EIF4G3: variants seen among roughly 807,000 people sequenced by gnomAD.
EIF4G3 encodes the protein eukaryotic translation initiation factor 4 gamma 3.
Under a neutral mutation model 186.4 loss-of-function variants are expected in EIF4G3, and 34 were observed. The ratio of observed to expected loss-of-function variants is 0.18; its 90% CI spans 0.14 to 0.24. EIF4G3 has a LOEUF of 0.24. Ranked by LOEUF, EIF4G3 falls within the 10% of genes least tolerant of loss-of-function variation. The probability of loss-of-function intolerance (pLI) is 1.00; values close to 1 mark genes in which losing one functional copy is unlikely to be tolerated. For synonymous variants in EIF4G3, 673 were observed against 679.5 expected (o/e 0.99, Z 0.15); for missense variants, 1,536 against 1,948.5 (o/e 0.79, Z 3.99).
intron 14 of EIF4G3, among the ~76,000 whole-genome samples, chr1:20,920,694 G>T (rs1438303117): frequency 6.6e-6 from 1 of 152,100 alleles, no homozygotes; most frequent in African/African-American, 2.4e-5. Flanking sequence ...GATTCTCACT[G>T]TACTCTGTTT....
chr1:21,059,042 A>G (rs1444856834), intron 3 of EIF4G3, among the ~76,000 whole-genome samples: 1 of 152,056 alleles, frequency 6.6e-6, no homozygotes, highest in Non-Finnish European at 1.5e-5. Flanking sequence ...GTAATTAATC[A>G]GTTACTAAAA....
intron 19 of EIF4G3, among the ~76,000 whole-genome samples, chr1:20,885,201 C>T (rs2083719674): frequency 6.6e-6 from 1 of 152,170 alleles, no homozygotes; most frequent in Non-Finnish European, 1.5e-5. Context: ...GGATCCCCTG[C>T]TCTCTGAGGT....
rs79346428 is a variant in EIF4G3, at chr1:20,866,994, G to A, written c.2623-1732C>T. The stretch of plus-strand genomic sequence containing the variant: ...TTACAGATTTACTGTGTAGAAAAGA[G>A]AGAAATGAGGACAACAAACAATATG... On this transcript the variant is annotated intron_variant, in intron 20 of 36. Transcript: ENST00000602326. Among the ~76,000 whole-genome samples, 781 of 152,292 alleles carry A rather than the reference G, an allele frequency of 5.1e-3. 9 individuals carry two copies. Among genetic ancestry groups the A allele is most frequent in the African/African-American group, 0.018 (757 of 41,578 alleles).
intron 24 of EIF4G3, 84 bp from the exon 25 acceptor site, chr1:20,857,581 C>A: frequency 8.9e-7 from 1 of 1,118,288 alleles, no homozygotes; most frequent in Non-Finnish European, 1.4e-6. Context: ...TCATCAAAAC[C>A]AAGGAGAAAG....
chr1:21,035,679 G>T (rs2093136671), intron 4 of EIF4G3, among the ~76,000 whole-genome samples: 1 of 152,388 alleles, frequency 6.6e-6, no homozygotes, highest in African/African-American at 2.4e-5. Context: ...CAGGGGGGCA[G>T]TTCAGCGATA....
At chr1:21,068,390 A>AC (rs1557804604) in intron 3 of EIF4G3, among the ~76,000 whole-genome samples, 5 of 150,226 alleles carry the variant, frequency 3.3e-5, no homozygotes, top group Admixed American at 6.6e-5. Context: ...AAAAAAAAAA[A>AC]AAAAAAAAAA....
In EIF4G3 at chr1:21,028,245, AAAAT is replaced by A. The variant is rs1431855409; in HGVS notation, c.-67+22617_-67+22620del. 4.6e-5 allele frequency among the ~76,000 whole-genome samples: 7 copies of A among 152,260 alleles called. 1 individual carries two copies. Among genetic ancestry groups the A allele is most frequent in the African/African-American group, 1.7e-4 (7 of 41,464 alleles). On this transcript the variant is annotated intron_variant, in intron 4 of 36. Transcript: ENST00000602326. ...CACTGCATATTATCAATGTATACTT[AAAAT>A]GTACACTTAAAAATGGGGTTAAGAT...
intron 10 of EIF4G3, among the ~76,000 whole-genome samples, chr1:20,975,850 T>G (rs2076752952): frequency 6.6e-6 from 1 of 151,980 alleles, no homozygotes; most frequent in Non-Finnish European, 1.5e-5. Context: ...CTATTTATTT[T>G]TTTAAATAAA....
intron 2 of EIF4G3, among the ~76,000 whole-genome samples, chr1:21,115,594 A>G (rs936404662): frequency 1.3e-5 from 2 of 152,222 alleles, no homozygotes; most frequent in African/African-American, 2.4e-5. Context: ...ATGTGTCTGT[A>G]TAAGATTGTT....
At chr1:20,897,722 G>C (rs529698921) in intron 16 of EIF4G3, among the ~76,000 whole-genome samples, 1 of 151,988 alleles carries the variant, frequency 6.6e-6, no homozygotes, top group African/African-American at 2.4e-5. Flanking sequence ...TTAAAAAGTA[G>C]ACAGCTTATT....
chr1:21,151,314 C>T (rs1573397941), intron 2 of EIF4G3, among the ~76,000 whole-genome samples: 2 of 131,078 alleles, frequency 1.5e-5, no homozygotes, highest in South Asian at 5.3e-4. Flanking sequence ...TCTCGGCTCA[C>T]TGCAAGCTCT....
rs751015403 is a variant in EIF4G3 at position 20,829,143 on chromosome 1, T to C, written c.4187+4A>G. On this transcript the variant is annotated splice_donor_region_variant and intron_variant, in intron 31 of 36. Coordinates refer to ENST00000602326, the MANE Select transcript of EIF4G3 (RefSeq NM_001391906.1). Reference sequence around the variant, plus strand: ...ATATATCAAGAGAAACAAGTATAACTTACATGGTAAGTTCTCTCATGGAGA... The same window carrying C: ...ATATATCAAGAGAAACAAGTATAACCTACATGGTAAGTTCTCTCATGGAGA... 11 of 1,613,298 alleles carry C rather than the reference T, an allele frequency of 6.8e-6. No individual in the cohort carries two copies. The highest frequency in any genetic ancestry group is 9.3e-6 in the Non-Finnish European group (11 of 1,179,720).
At chr1:21,158,894 A>G (rs2097708831) in intron 2 of EIF4G3, among the ~76,000 whole-genome samples, 1 of 152,028 alleles carries the variant, frequency 6.6e-6, no homozygotes. Flanking sequence ...GCTAAATCCA[A>G]TTGTTACCTA....
intron 14 of EIF4G3, among the ~76,000 whole-genome samples, chr1:20,912,210 G>A (rs1572663121): frequency 6.6e-6 from 1 of 152,244 alleles, no homozygotes; most frequent in Admixed American, 6.5e-5. Flanking sequence ...CTGGGACATT[G>A]AGGCTGCAGT....
rs776279247 is a variant in EIF4G3 at position 20,849,492 on chromosome 1, C to A, written c.3811G>T (p.Ala1271Ser). 3.2e-6 allele frequency: 5 copies of A among 1,565,332 alleles called. No homozygotes were observed. Among genetic ancestry groups the A allele is most frequent in the South Asian group, 2.5e-5 (2 of 80,860 alleles). ...TCCAGTTCCTCTTCTGATAATGCAG[C>A]CTTGTCATGAGCTGACATTGCTGAA... ...EISAMSAHDK[A>S]ALSEEELERK... The change falls in exon 29 of 37, where the codon GCT becomes TCT. Residue 1271 changes from alanine to serine, a missense_variant. Transcript: ENST00000602326.
At chr1:21,060,936 T>C (rs1416759543) in intron 3 of EIF4G3, among the ~76,000 whole-genome samples, 2 of 152,178 alleles carry the variant, frequency 1.3e-5, no homozygotes, top group Non-Finnish European at 2.9e-5. Context: ...TTAACATATA[T>C]TTATTGAGAA....
intron 29 of EIF4G3, 50 bp from the exon 30 acceptor site, chr1:20,841,078 C>T: frequency 6.3e-7 from 1 of 1,579,976 alleles, no homozygotes; most frequent in Non-Finnish European, 8.6e-7. Flanking sequence ...ATAGTGTTAC[C>T]AGAATGTTAA....
chr1:20,869,306 A>ATTTTTT (rs954573350), intron 20 of EIF4G3, among the ~76,000 whole-genome samples: 7 of 97,396 alleles, frequency 7.2e-5, no homozygotes, highest in African/African-American at 1.7e-4. Context: ...TTACTTTAAA[A>ATTTTTT]TTTTTTTTTT....
At chr1:21,030,798 G>A (rs1034796275) in intron 4 of EIF4G3, among the ~76,000 whole-genome samples, 6 of 152,172 alleles carry the variant, frequency 3.9e-5, no homozygotes, top group Admixed American at 2.0e-4. Context: ...CTCTAATAGC[G>A]ACCACATTGG....
Sources: allele counts gnomAD v4.1 joint callset (sites outside exome capture counted in the v4.1 genomes callset), GRCh38; gene constraint gnomAD v4.1.1; transcripts MANE v1.5; gene names NCBI Gene and HGNC (gene_info 2026-07-23, HGNC 2026-07-21).